The following FOXP2 variants were observed in gnomAD, a reference collection of about 807,000 sequenced individuals.
FOXP2 encodes the protein forkhead box protein P2.
A neutral mutation model predicts 115.8 loss-of-function variants in FOXP2; 12 were observed. The observed-to-expected ratio is 0.10, with a 90% CI of 0.07 to 0.17. FOXP2 has a LOEUF of 0.17. Among genes scored for constraint, FOXP2 ranks in the 10% least tolerant of loss-of-function variants. The pLI is 1.00. For synonymous variants in FOXP2, 328 were observed against 297.7 expected (o/e 1.10, Z -1.05); for missense variants, 629 against 843.5 (o/e 0.75, Z 3.15).
At chr7:114,593,002 C>G (rs1431105700) in intron 3 of FOXP2, among the ~76,000 whole-genome samples, 1 of 152,066 alleles carries the variant, frequency 6.6e-6, no homozygotes, top group East Asian at 1.9e-4. Context: ...CGTATTCACA[C>G]AGTTCCTTGG....
At chr7:114,360,759 T>C (rs1265548007) in intron 2 of FOXP2, among the ~76,000 whole-genome samples, 1 of 152,172 alleles carries the variant, frequency 6.6e-6, no homozygotes, top group African/African-American at 2.4e-5. Flanking sequence ...ATACAGTCTA[T>C]AAGATAAGTT....
intron 7 of FOXP2, among the ~76,000 whole-genome samples, chr7:114,642,909 T>C (rs1216921607): frequency 1.3e-5 from 2 of 148,210 alleles, no homozygotes; most frequent in Non-Finnish European, 3.0e-5. Flanking sequence ...CCCGGGTTCC[T>C]GCCATTCTCC....
intron 13 of FOXP2, 69 bp downstream of exon 13, chr7:114,659,742 T>C: frequency 1.6e-6 from 2 of 1,226,806 alleles, no homozygotes; most frequent in Non-Finnish European, 2.4e-6. Flanking sequence ...GGAACATTTA[T>C]TTACATGACA....
At chr7:114,480,015 A>C (rs911919525) in intron 2 of FOXP2, among the ~76,000 whole-genome samples, 3 of 151,398 alleles carry the variant, frequency 2.0e-5, no homozygotes, top group African/African-American at 4.8e-5. Flanking sequence ...TTTGCCACAG[A>C]GTAATTTCTT....
chr7:114,631,024 C>T (rs1804879922), intron 5 of FOXP2: 1 of 156,376 alleles, frequency 6.4e-6, no homozygotes, highest in African/African-American at 2.4e-5. Context: ...CGTAATTCTG[C>T]CTTTAATATA....
chr7:114,091,408 G>A (rs1271556339), intron 1 of FOXP2, among the ~76,000 whole-genome samples: 1 of 151,810 alleles, frequency 6.6e-6, no homozygotes, highest in East Asian at 1.9e-4. Flanking sequence ...ATTCATGAAA[G>A]CTAGTTTTTC....
In FOXP2 at chr7:114,691,030, A is replaced by G. The variant is rs1430749849; in HGVS notation, c.*1104A>G. 4.4e-6 allele frequency: 2 copies of G among 454,282 alleles called. No homozygotes were observed. Among genetic ancestry groups the G allele is most frequent in the Admixed American group, 4.7e-5 (2 of 42,572 alleles). The allele number at this position is 454,282 out of a possible 1,614,324, so 28.1% of individuals were successfully genotyped here. A position where few individuals can be genotyped will look rare whatever the true frequency, so the allele number is the denominator to read the frequency against. On this transcript the variant is annotated 3_prime_UTR_variant, in exon 17 of 17. Coordinates refer to ENST00000350908, the MANE Select transcript of FOXP2 (RefSeq NM_014491.4). ...GCTTTCATTAAAGACAGAGGTGAGG[A>G]CAAAATCCGCAGTGGAAGTTATGAT...
chr7:114,159,425 G>T (rs1428198578), upstream of FOXP2, among the ~76,000 whole-genome samples: 2 of 151,364 alleles, frequency 1.3e-5, no homozygotes, highest in South Asian at 2.1e-4. Context: ...AATGTTGAAA[G>T]AATGGAATCT....
At position 114,398,630 on chromosome 7, in the gene FOXP2, A is replaced by G. The variant is rs1792802852; in HGVS notation, c.-10-27872A>G. On this transcript the variant is annotated intron_variant, in intron 2 of 17. Coordinates refer to the FOXP2 transcript ENST00000634411. ...GATTGCTTTATTAGGAATATTTTTAAAAGATGTTGGTATGGGTAAAGTGAG... is the reference window on the plus strand; with the variant it reads ...GATTGCTTTATTAGGAATATTTTTAGAAGATGTTGGTATGGGTAAAGTGAG... Among the ~76,000 whole-genome samples the G allele has an allele frequency of 3.3e-5, 5 of 152,256 alleles. 1 individual carries two copies. The South Asian group carries it at 1.0e-3, about 31-fold the overall frequency.
rs551752617 is a variant in FOXP2 at position 114,288,238 on chromosome 7, G to A, written c.-11+129G>A. On this transcript the variant is annotated intron_variant, in intron 2 of 17. Coordinates refer to the FOXP2 transcript ENST00000634411. ...CAAATGTTAAGAAGTTGTTTTCAGC[G>A]GACAATTGAGACATGTTAAGTGTGG... 2.6e-5 allele frequency: 10 copies of A among 381,074 alleles called. No homozygotes were observed. The East Asian group carries it at 2.9e-4, about 11-fold the overall frequency. The allele number at this position is 381,074 out of a possible 1,614,324, so 23.6% of individuals were successfully genotyped here.
chr7:114,198,960 C>G (rs1406157921), intron 1 of FOXP2, among the ~76,000 whole-genome samples: 1 of 152,136 alleles, frequency 6.6e-6, no homozygotes. Flanking sequence ...ACTTTTAAGG[C>G]CTTCAACTAA....
At chr7:114,568,996 G>C (rs937071708) in intron 3 of FOXP2, among the ~76,000 whole-genome samples, 1 of 151,840 alleles carries the variant, frequency 6.6e-6, no homozygotes, top group Non-Finnish European at 1.5e-5. Flanking sequence ...TTAAGGTGGT[G>C]TTGCTTATTT....
intron 2 of FOXP2, among the ~76,000 whole-genome samples, chr7:114,451,734 T>G (rs1172519252): frequency 6.6e-6 from 1 of 151,994 alleles, no homozygotes; most frequent in Non-Finnish European, 1.5e-5. Flanking sequence ...TAGTAAGTAA[T>G]TACAAGTTGT....
chr7:114,143,934 T>G (rs1337582563), intron 1 of FOXP2, among the ~76,000 whole-genome samples: 1 of 152,082 alleles, frequency 6.6e-6, no homozygotes, highest in Non-Finnish European at 1.5e-5. Context: ...TGACTTATGA[T>G]GGTTTGACTT....
intron 1 of FOXP2, among the ~76,000 whole-genome samples, chr7:114,104,201 A>G (rs1412450767): frequency 6.6e-6 from 1 of 152,042 alleles, no homozygotes; most frequent in Non-Finnish European, 1.5e-5. Context: ...ATTTAAAAAT[A>G]CAGCCTAATC....
At chr7:114,256,857 A>G (rs1425820876) in intron 1 of FOXP2, among the ~76,000 whole-genome samples, 2 of 152,236 alleles carry the variant, frequency 1.3e-5, no homozygotes, top group African/African-American at 4.8e-5. Flanking sequence ...TATAGTGAAA[A>G]TGGCCATACT....
At chr7:114,291,171 G>A (rs1055822434) in intron 2 of FOXP2, among the ~76,000 whole-genome samples, 1 of 152,134 alleles carries the variant, frequency 6.6e-6, no homozygotes, top group African/African-American at 2.4e-5. Flanking sequence ...ATTAAGTTCA[G>A]GGTGTCAACC....
chr7:114,673,677 C>T (rs1023564484), intron 16 of FOXP2, among the ~76,000 whole-genome samples: 1 of 151,936 alleles, frequency 6.6e-6, no homozygotes, highest in Non-Finnish European at 1.5e-5. Flanking sequence ...CTTTACCCAC[C>T]TTTTTGTTGT....
rs1207578096 is a variant in FOXP2 at position 114,426,523 on chromosome 7, A to G, written c.12A>G (p.Glu4=). ...TTAGGTATTAAGTCATGATGCAGGA[A>G]TCTGCGACAGAGACAATAAGCAACA... MMQ[E]SATETISNSS... Residue 4 remains glutamate, a synonymous_variant, in exon 2 of 17, where the codon GAA becomes GAG. Coordinates refer to ENST00000350908, the MANE Select transcript of FOXP2 (RefSeq NM_014491.4). 6.2e-7 allele frequency: 1 copy of G among 1,611,042 alleles called. No homozygotes were observed. Among genetic ancestry groups the G allele is most frequent in the Admixed American group, 1.7e-5 (1 of 59,710 alleles).
Sources: allele counts gnomAD v4.1 joint callset (sites outside exome capture counted in the v4.1 genomes callset), GRCh38; gene constraint gnomAD v4.1.1; transcripts MANE v1.5; gene names NCBI Gene and HGNC (gene_info 2026-07-23, HGNC 2026-07-21).